PPP2R2B: variants seen among roughly 807,000 people sequenced by gnomAD.
PPP2R2B encodes protein phosphatase 2 regulatory subunit Bbeta.
Under a neutral mutation model 46.0 loss-of-function variants are expected in PPP2R2B, and 5 were observed. The observed-to-expected ratio is 0.11, with a 90% CI of 0.06 to 0.23. The LOEUF is 0.23. Ranked by LOEUF, PPP2R2B falls within the 10% of genes least tolerant of loss-of-function variation. The pLI, the probability that PPP2R2B is intolerant of heterozygous loss-of-function variation, is 1.00. For synonymous variants in PPP2R2B, 215 were observed against 206.7 expected (o/e 1.04, Z -0.34); for missense variants, 367 against 575.0 (o/e 0.64, Z 3.70).
chr5:146,593,429 G>C (rs1362083873), intron 8 of PPP2R2B, among the ~76,000 whole-genome samples: 2 of 152,234 alleles, frequency 1.3e-5, no homozygotes, highest in Admixed American at 6.5e-5. Flanking sequence ...CACTTGAGAT[G>C]CAGCAGTGAG....
upstream of PPP2R2B, among the ~76,000 whole-genome samples, chr5:147,058,784 T>C (rs2151906596): frequency 2.0e-5 from 3 of 152,292 alleles, no homozygotes; most frequent in Middle Eastern, 6.8e-3. Flanking sequence ...GTGTGCTTCT[T>C]GTCTCTTTGA....
chr5:146,631,726 T>G (rs1208452959), intron 7 of PPP2R2B, among the ~76,000 whole-genome samples: 1 of 152,224 alleles, frequency 6.6e-6, no homozygotes, highest in African/African-American at 2.4e-5. Context: ...CAGGCATCAC[T>G]GTCCTAACAC....
intron 2 of PPP2R2B, among the ~76,000 whole-genome samples, chr5:146,810,819 A>G (rs987837017): frequency 1.2e-4 from 18 of 151,356 alleles, no homozygotes; most frequent in Non-Finnish European, 2.5e-4. Flanking sequence ...GGTGTGCTGC[A>G]CCCATTAACT....
rs967304121 is a variant in PPP2R2B at position 146,589,667 on chromosome 5, C to T, written c.*280G>A. The T allele has an allele frequency of 7.8e-6, 3 of 386,532 alleles. No homozygotes were observed. Among genetic ancestry groups the T allele is most frequent in the African/African-American group, 4.1e-5 (2 of 49,338 alleles). The allele number at this position is 386,532 out of a possible 1,614,324, so 23.9% of individuals were successfully genotyped here. The stretch of plus-strand genomic sequence containing the variant: ...AAAACACTGGACCCACCAGAGAAAA[C>T]TGGGCAATAAAAGCATCAGAAGTTC... On this transcript the variant is annotated 3_prime_UTR_variant, in exon 10 of 10. Coordinates refer to ENST00000394411, the MANE Select transcript of PPP2R2B (RefSeq NM_181675.4).
chr5:146,815,307 CG>C (rs1349958791), intron 2 of PPP2R2B, among the ~76,000 whole-genome samples: 2 of 152,184 alleles, frequency 1.3e-5, no homozygotes, highest in Non-Finnish European at 1.5e-5. Context: ...TTACAAAACC[CG>C]GATTTCCTCT....
chr5:146,915,346 A>C (rs906721078), intron 1 of PPP2R2B, among the ~76,000 whole-genome samples: 7 of 152,166 alleles, frequency 4.6e-5, no homozygotes, highest in Non-Finnish European at 1.0e-4. Flanking sequence ...CATTCAATGC[A>C]AAACATTCTT....
chr5:146,591,586 C>T (rs768788594), intron 9 of PPP2R2B, among the ~76,000 whole-genome samples: 2 of 151,822 alleles, frequency 1.3e-5, no homozygotes, highest in Non-Finnish European at 2.9e-5. Context: ...AAGTATTCAG[C>T]CGGTTGGCCT....
intron 2 of PPP2R2B, among the ~76,000 whole-genome samples, chr5:146,826,398 T>G (rs1758578937): frequency 6.6e-6 from 1 of 152,144 alleles, no homozygotes; most frequent in Non-Finnish European, 1.5e-5. Flanking sequence ...TTAGAGAGCC[T>G]AAGTCTAGCA....
intron 2 of PPP2R2B, among the ~76,000 whole-genome samples, chr5:146,843,697 C>T (rs902867129): frequency 6.6e-6 from 1 of 152,178 alleles, no homozygotes; most frequent in Non-Finnish European, 1.5e-5. Flanking sequence ...ACAGAGTTAT[C>T]ATGACCCTGA....
intron 1 of PPP2R2B, among the ~76,000 whole-genome samples, chr5:147,001,613 C>T (rs1754181364): frequency 6.6e-6 from 1 of 152,192 alleles, no homozygotes; most frequent in Non-Finnish European, 1.5e-5. Flanking sequence ...CAAGAACCCA[C>T]CAATTCCAGA....
At chr5:146,899,118 T>A (rs1390064524) in intron 1 of PPP2R2B, among the ~76,000 whole-genome samples, 1 of 150,788 alleles carries the variant, frequency 6.6e-6, no homozygotes, top group African/African-American at 2.5e-5. Flanking sequence ...GCCATCCCAT[T>A]ACTGGGTATA....
Position 146,589,839 on chromosome 5 carries a change from G to C in PPP2R2B, c.*108C>G. 1 of 1,121,686 alleles carries C rather than the reference G, an allele frequency of 8.9e-7. No individual in the cohort carries two copies. The highest frequency in any genetic ancestry group is 2.5e-4 in the Middle Eastern group (1 of 4,016). The allele number at this position is 1,121,686 out of a possible 1,614,324, so 69.5% of individuals were successfully genotyped here. A position where few individuals can be genotyped will look rare whatever the true frequency, so the allele number is the denominator to read the frequency against. On this transcript the variant is annotated 3_prime_UTR_variant, in exon 10 of 10. Transcript: ENST00000394411. ...TTTAATTCTATTCCAATCATTTCCT[G>C]TATAGGGAAATTAAAGTCAATGCAT...
intron 2 of PPP2R2B, among the ~76,000 whole-genome samples, chr5:146,796,877 C>G (rs1389453188): frequency 6.6e-6 from 1 of 152,174 alleles, no homozygotes. Context: ...AAGGTCCACT[C>G]TGAACTTTTA....
At chr5:146,734,970 G>A (rs912143120) in intron 2 of PPP2R2B, among the ~76,000 whole-genome samples, 5 of 152,188 alleles carry the variant, frequency 3.3e-5, no homozygotes, top group African/African-American at 7.2e-5. Flanking sequence ...TCAGAAGGAA[G>A]CTGAGGATGA....
intron 8 of PPP2R2B, among the ~76,000 whole-genome samples, chr5:146,598,336 A>T (rs552782611): frequency 5.9e-5 from 9 of 152,314 alleles, no homozygotes; most frequent in Non-Finnish European, 1.2e-4. Flanking sequence ...CTCACTGGCT[A>T]GTTTCCCCAA....
intron 1 of PPP2R2B, among the ~76,000 whole-genome samples, chr5:147,028,578 A>G (rs1483807418): frequency 1.3e-5 from 2 of 152,166 alleles, no homozygotes; most frequent in Non-Finnish European, 2.9e-5. Flanking sequence ...TTACTTGGTC[A>G]TTCTATTTTT....
chr5:147,055,597 C>T (rs1181024967), intron 1 of PPP2R2B: 8 of 1,375,238 alleles, frequency 5.8e-6, no homozygotes, highest in Admixed American at 3.4e-5. Context: ...ATCAGCAGAA[C>T]CCGTGGGAAG....
chr5:147,074,035 CAA>C (rs1187876886), intron 2 of PPP2R2B, among the ~76,000 whole-genome samples: 10 of 113,740 alleles, frequency 8.8e-5, no homozygotes, highest in Admixed American at 1.9e-4. Context: ...GGCTCTGTCT[CAA>C]AAAAAAAAAA....
intron 7 of PPP2R2B, among the ~76,000 whole-genome samples, chr5:146,628,903 G>A (rs532870036): frequency 1.3e-5 from 2 of 152,112 alleles, no homozygotes; most frequent in African/African-American, 4.8e-5. Flanking sequence ...TCTTCTCTCA[G>A]CTTACATGTG....
Sources: allele counts gnomAD v4.1 joint callset (sites outside exome capture counted in the v4.1 genomes callset), GRCh38; gene constraint gnomAD v4.1.1; transcripts MANE v1.5; gene names NCBI Gene and HGNC (gene_info 2026-07-23, HGNC 2026-07-21).